The following EMB variants were observed in gnomAD, a reference collection of about 807,000 sequenced individuals.
EMB encodes embigin, also known as embigin homolog.
In EMB, 31 loss-of-function variants were observed where a neutral mutation model predicts 41.4. That is an observed-to-expected ratio of 0.75 (90% CI 0.56 to 1.01). The LOEUF (loss-of-function observed/expected upper bound fraction) is 1.01, where lower values mean the gene tolerates loss of function less well. EMB is among the 50% of genes least tolerant of loss of function. The probability of loss-of-function intolerance (pLI) is 0.00; values close to 1 mark genes in which losing one functional copy is unlikely to be tolerated. For missense variants in EMB, 379 were observed against 388.3 expected, an observed-to-expected ratio of 0.98 and a Z score of 0.20; for synonymous variants, 137 against 140.4, an observed-to-expected ratio of 0.98 and a Z score of 0.17.
At chr5:50,413,876 T>C (rs1022687220) in intron 2 of EMB, among the ~76,000 whole-genome samples, 4 of 152,140 alleles carry the variant, frequency 2.6e-5, no homozygotes, top group African/African-American at 9.7e-5. Flanking sequence ...GTTTTTTCAA[T>C]AGACAAATTT....
intron 4 of EMB, among the ~76,000 whole-genome samples, chr5:50,408,555 T>C (rs905439179): frequency 1.3e-5 from 2 of 152,072 alleles, no homozygotes; most frequent in African/African-American, 4.8e-5. Context: ...ACTTTGCTGA[T>C]GAATTGTTCT....
chr5:50,402,159 A>C, intron 7 of EMB, 127 bp downstream of exon 7: 2 of 927,426 alleles, frequency 2.2e-6, no homozygotes, highest in Non-Finnish European at 3.4e-6. Flanking sequence ...ACTTTCCACC[A>C]CCACGTGGAC....
intron 1 of EMB, among the ~76,000 whole-genome samples, chr5:50,430,578 T>C (rs1745703866): frequency 7.8e-6 from 1 of 128,250 alleles, no homozygotes; most frequent in Non-Finnish European, 1.7e-5. Flanking sequence ...TGGATCATAA[T>C]AGTAGGGGTT....
chr5:50,415,008 T>C (rs1454420716), intron 2 of EMB, among the ~76,000 whole-genome samples: 10 of 152,204 alleles, frequency 6.6e-5, no homozygotes, highest in African/African-American at 2.4e-4. Context: ...AAGTCGTTTT[T>C]TTATTTTACA....
intron 2 of EMB, chr5:50,412,006 AT>A (rs1745346264): frequency 6.6e-6 from 1 of 152,112 alleles, no homozygotes; most frequent in Admixed American, 6.6e-5. Context: ...TGAGGTGTTT[AT>A]CCTTCTTTTT....
chr5:50,419,098 G>A (rs546589304), intron 2 of EMB, among the ~76,000 whole-genome samples: 1 of 152,140 alleles, frequency 6.6e-6, no homozygotes, highest in African/African-American at 2.4e-5. Flanking sequence ...GTTACACAGG[G>A]GACAAGATCC....
At chr5:50,415,783 A>T (rs1249643577) in intron 2 of EMB, among the ~76,000 whole-genome samples, 1 of 152,232 alleles carries the variant, frequency 6.6e-6, no homozygotes, top group African/African-American at 2.4e-5. Flanking sequence ...ATTACAATGG[A>T]ATTAACTTCA....
chr5:50,402,096 G>A (rs1284507911), intron 7 of EMB, among the ~76,000 whole-genome samples, 190 bp downstream of exon 7: 1 of 151,838 alleles, frequency 6.6e-6, no homozygotes, highest in African/African-American at 2.4e-5. Flanking sequence ...GAGAAGTGCA[G>A]GTAGTAAGTG....
chr5:50,429,709 T>C (rs934803874), intron 1 of EMB, among the ~76,000 whole-genome samples: 1 of 152,158 alleles, frequency 6.6e-6, no homozygotes, highest in African/African-American at 2.4e-5. Context: ...AAAAAGTCCT[T>C]AAATAACATA....
rs753256638 is a variant in EMB at position 50,405,812 on chromosome 5, G to T, written c.513C>A (p.Tyr171Ter). The T allele has an allele frequency of 1.3e-6, 2 of 1,592,658 alleles. No individual in the cohort carries two copies. The highest frequency in any genetic ancestry group is 1.7e-6 in the Non-Finnish European group (2 of 1,172,672). Residue 171 changes from tyrosine to a stop codon, truncating the protein, a stop_gained, in exon 5 of 9, where the codon TAC becomes TAA. Coordinates refer to ENST00000303221, the MANE Select transcript of EMB (RefSeq NM_198449.3). LOFTEE classifies it high-confidence loss of function. ...ATGTCAAGACAGTAGAATCCCCTACGTAAGAGATCAATGGCTTGTTTTTCC... is the reference window on the plus strand; with the variant it reads ...ATGTCAAGACAGTAGAATCCCCTACTTAAGAGATCAATGGCTTGTTTTTCC... The part of the protein sequence containing the change: ...LHGKNKPLIS[Y>*]VGDSTVLTCK...
rs1271937700 is a variant in EMB at position 50,397,373 on chromosome 5, T to C, written c.*1900A>G. 6.6e-6 allele frequency: 1 copy of C among 152,072 alleles called. No homozygotes were observed. Among genetic ancestry groups the C allele is most frequent in the Non-Finnish European group, 1.5e-5 (1 of 67,984 alleles). The allele number at this position is 152,072 out of a possible 1,614,324, so 9.4% of individuals were successfully genotyped here. ...ATAAATTGTCTTTGCTAGAAAAAAATAAACAGTATTGCCAATTAAAAACTC... is the reference window on the plus strand; with the variant it reads ...ATAAATTGTCTTTGCTAGAAAAAAACAAACAGTATTGCCAATTAAAAACTC... On this transcript the variant is annotated 3_prime_UTR_variant, in exon 9 of 9. Transcript: ENST00000303221.
intron 1 of EMB, among the ~76,000 whole-genome samples, chr5:50,439,074 C>A (rs1165731279): frequency 6.6e-6 from 1 of 151,750 alleles, no homozygotes; most frequent in African/African-American, 2.4e-5. Flanking sequence ...TGATGAAACT[C>A]CTTAATGCCC....
intron 7 of EMB, among the ~76,000 whole-genome samples, chr5:50,400,957 G>A (rs779786748): frequency 2.0e-5 from 3 of 151,986 alleles, no homozygotes; most frequent in African/African-American, 7.2e-5. Flanking sequence ...GGCAGAGCTC[G>A]GAGAATAGAG....
intron 6 of EMB, 78 bp downstream of exon 6, chr5:50,403,100 T>C (rs1745191339): frequency 7.7e-7 from 1 of 1,291,294 alleles, no homozygotes; most frequent in South Asian, 1.5e-5. Context: ...TCATAATCCA[T>C]ATCATAAGTA....
intron 7 of EMB, 126 bp downstream of exon 7, chr5:50,402,160 C>T: frequency 1.0e-6 from 1 of 963,712 alleles, no homozygotes; most frequent in South Asian, 1.4e-5. Flanking sequence ...CTTTCCACCA[C>T]CACGTGGACA....
At chr5:50,433,110 G>C (rs1477863090) in intron 1 of EMB, among the ~76,000 whole-genome samples, 1 of 151,958 alleles carries the variant, frequency 6.6e-6, no homozygotes, top group Non-Finnish European at 1.5e-5. Flanking sequence ...TAGTAATCCT[G>C]ATGGGAACAT....
At chr5:50,441,433 C>T (rs1049934651), upstream of EMB, 18 of 261,176 alleles carry the variant, frequency 6.9e-5, no homozygotes, top group Non-Finnish European at 9.4e-5. Flanking sequence ...GCTGCAGCCT[C>T]TCCGGCCTCC....
At chr5:50,427,496 A>T (rs1345606760) in intron 2 of EMB, among the ~76,000 whole-genome samples, 1 of 150,502 alleles carries the variant, frequency 6.6e-6, no homozygotes, top group Non-Finnish European at 1.5e-5. Flanking sequence ...AGACATTATT[A>T]TTATTATTAT....
At chr5:50,435,615 G>A (rs986945804) in intron 1 of EMB, among the ~76,000 whole-genome samples, 5 of 152,106 alleles carry the variant, frequency 3.3e-5, no homozygotes, top group Non-Finnish European at 5.9e-5. Context: ...CGTCTCAGAT[G>A]GCATACCATT....
Sources: allele counts gnomAD v4.1 joint callset (sites outside exome capture counted in the v4.1 genomes callset), GRCh38; gene constraint gnomAD v4.1.1; transcripts MANE v1.5; gene names NCBI Gene and HGNC (gene_info 2026-07-23, HGNC 2026-07-21).